Variants in CADPS2 observed in about 807,000 individuals in gnomAD.
CADPS2 encodes calcium dependent secretion activator 2, also known as calcium-dependent secretion activator 2.
Under a neutral mutation model 172.5 loss-of-function variants are expected in CADPS2, and 93 were observed. That is an observed-to-expected ratio of 0.54 (90% CI 0.46 to 0.64). The LOEUF is 0.64. Ranked by LOEUF, CADPS2 falls within the 30% of genes least tolerant of loss-of-function variation. The pLI, the probability that CADPS2 is intolerant of heterozygous loss-of-function variation, is 0.00. For missense variants in CADPS2, 1,420 were observed against 1,565.9 expected, an observed-to-expected ratio of 0.91 and a Z score of 1.57; for synonymous variants, 546 against 555.2, an observed-to-expected ratio of 0.98 and a Z score of 0.23.
intron 1 of CADPS2, among the ~76,000 whole-genome samples, chr7:122,868,638 C>T (rs1040827480): frequency 3.9e-5 from 6 of 152,148 alleles, no homozygotes; most frequent in Non-Finnish European, 8.8e-5. Context: ...GTTCTCTTAT[C>T]TAATGCACAG....
chr7:122,467,009 T>C (rs1331789207), intron 14 of CADPS2, among the ~76,000 whole-genome samples: 1 of 152,196 alleles, frequency 6.6e-6, no homozygotes, highest in Non-Finnish European at 1.5e-5. Context: ...GTATAAATAT[T>C]GCTAGGAAAG....
intron 9 of CADPS2, 124 bp downstream of exon 9, chr7:122,513,121 TTTTA>T (rs2060121097): frequency 3.1e-6 from 2 of 644,224 alleles, no homozygotes; most frequent in Non-Finnish European, 5.4e-6. Flanking sequence ...AATGTACTGC[TTTTA>T]TTTAAAGTGG....
chr7:122,596,971 G>A (rs963740217), intron 6 of CADPS2, among the ~76,000 whole-genome samples: 3 of 152,068 alleles, frequency 2.0e-5, no homozygotes, highest in Non-Finnish European at 4.4e-5. Flanking sequence ...AAGGCAAAGG[G>A]GAGCTGGCAT....
intron 8 of CADPS2, among the ~76,000 whole-genome samples, chr7:122,517,566 C>T (rs2060472483): frequency 6.6e-6 from 1 of 151,938 alleles, no homozygotes; most frequent in Admixed American, 6.6e-5. Context: ...AGAAGGTTAC[C>T]ATTATTAAAT....
chr7:122,829,508 A>G (rs1455306389), intron 1 of CADPS2, among the ~76,000 whole-genome samples: 1 of 152,200 alleles, frequency 6.6e-6, no homozygotes, highest in Admixed American at 6.5e-5. Context: ...CCACACTCAA[A>G]TCAACTTTTA....
intron 1 of CADPS2, among the ~76,000 whole-genome samples, chr7:122,833,112 T>C (rs1047758398): frequency 6.6e-6 from 1 of 152,204 alleles, no homozygotes; most frequent in African/African-American, 2.4e-5. Flanking sequence ...CTTCCAGCCT[T>C]TGTTCTGTCT....
At chr7:122,708,520 GATATATATATATATATATATATAT>G (rs57522086) in intron 2 of CADPS2, among the ~76,000 whole-genome samples, 2,889 of 116,404 alleles carry the variant, frequency 0.025, 124 homozygotes, top group East Asian at 0.088. Context: ...TTGTATTCGA[GATATATATATATATATATATATAT>G]ATATATATAT....
intron 2 of CADPS2, among the ~76,000 whole-genome samples, chr7:122,704,640 T>G (rs571928165): frequency 2.6e-5 from 4 of 152,132 alleles, no homozygotes; most frequent in Non-Finnish European, 5.9e-5. Context: ...TTTGAGGAAC[T>G]TAGCTCATTC....
chr7:122,323,871 TTTTATATATATATATATATA>T (rs1205909525), intron 29 of CADPS2, among the ~76,000 whole-genome samples: 20 of 117,152 alleles, frequency 1.7e-4, no homozygotes, highest in Admixed American at 3.0e-4. Flanking sequence ...CATATGTATA[TTTTATATATATATATATATA>T]TATATATATA....
rs1035959668 is a variant in CADPS2 at position 122,698,677 on chromosome 7, T to C, written c.454-35108A>G. The C allele has an allele frequency of 3.1e-6, 5 of 1,613,828 alleles. No homozygotes were observed. The African/African-American group carries it at 6.7e-5, about 22-fold the overall frequency. On this transcript the variant is annotated intron_variant, in intron 2 of 29. Coordinates refer to ENST00000449022, the MANE Select transcript of CADPS2 (RefSeq NM_017954.11). ...ATTGGGATTACATGCATTTTGGATT[T>C]TTCCCTCTGGTGGCACTATAACTCC... is the stretch of plus-strand genomic sequence containing the variant.
intron 9 of CADPS2, among the ~76,000 whole-genome samples, chr7:122,504,573 C>A (rs759692109): frequency 2.0e-5 from 3 of 151,946 alleles, no homozygotes; most frequent in African/African-American, 7.3e-5. Flanking sequence ...GGGCATGTTT[C>A]TTTTATTTTT....
chr7:122,369,436 CTTTCT>C (rs2041478305), intron 25 of CADPS2, among the ~76,000 whole-genome samples: 1 of 152,124 alleles, frequency 6.6e-6, no homozygotes, highest in Non-Finnish European at 1.5e-5. Flanking sequence ...CAGTCTTCCC[CTTTCT>C]TTTAAGGTTA....
chr7:122,487,011 C>CTTTTT (rs535575706), intron 11 of CADPS2, among the ~76,000 whole-genome samples: 1 of 123,282 alleles, frequency 8.1e-6, no homozygotes, highest in Non-Finnish European at 1.7e-5. Context: ...ATAAACATAA[C>CTTTTT]TTTTTTTTTT....
rs2098115 is a variant in CADPS2, at chr7:122,581,761, T to A, written c.1224-471A>T. The stretch of plus-strand genomic sequence containing the variant: ...TATCTTTTTTTAAAGTAAGCATAAT[T>A]ATCTCAGATCTATTACTTCATATGA... On this transcript the variant is annotated intron_variant, in intron 6 of 29. Transcript: ENST00000449022. Among the ~76,000 whole-genome samples the A allele has an allele frequency of 2.6e-3, 395 of 152,206 alleles. 2 individuals carry two copies. The highest frequency in any genetic ancestry group is 9.1e-3 in the African/African-American group (376 of 41,546).
chr7:122,427,651 G>C lies in CADPS2; in HGVS notation c.2476+10690C>G, dbSNP rs150832146. On this transcript the variant is annotated intron_variant, in intron 17 of 29. Transcript: ENST00000449022. ...GAAGTATGTCAGGCTCTCATTTATA[G>C]ATGGATCTGACCCTATGCTTGTAGT... Among the ~76,000 whole-genome samples the C allele has an allele frequency of 6.3e-4, 96 of 152,294 alleles. 2 individuals carry two copies. The East Asian group carries it at 0.017, about 27-fold the overall frequency.
chr7:122,455,388 T>G lies in CADPS2; in HGVS notation c.2187-3913A>C, dbSNP rs563737516. The stretch of plus-strand genomic sequence containing the variant: ...TTCCCATTCCCATAGACCTTTCTAT[T>G]TTTTAATAATAATATTTATTAAATA... On this transcript the variant is annotated intron_variant, in intron 14 of 29. Transcript: ENST00000449022. Among the ~76,000 whole-genome samples the G allele has an allele frequency of 7.2e-4, 110 of 151,758 alleles. 1 individual carries two copies. The South Asian group carries it at 0.022, about 30-fold the overall frequency.
At chr7:122,586,833 A>G (rs979755807) in intron 6 of CADPS2, among the ~76,000 whole-genome samples, 1 of 151,982 alleles carries the variant, frequency 6.6e-6, no homozygotes, top group African/African-American at 2.4e-5. Context: ...ACTGTTGCAC[A>G]TATGTAAGAA....
chr7:122,552,129 T>C (rs1027560043), intron 8 of CADPS2, among the ~76,000 whole-genome samples: 10 of 152,190 alleles, frequency 6.6e-5, no homozygotes. Flanking sequence ...TATTATAGCA[T>C]TGCTGAAAAT....
chr7:122,484,955 T>C (rs986838813), intron 11 of CADPS2, among the ~76,000 whole-genome samples: 2 of 151,486 alleles, frequency 1.3e-5, no homozygotes, highest in African/African-American at 4.9e-5. Flanking sequence ...TATTTCCAAC[T>C]TTTTCATTAT....
Sources: allele counts gnomAD v4.1 joint callset (sites outside exome capture counted in the v4.1 genomes callset), GRCh38; gene constraint gnomAD v4.1.1; transcripts MANE v1.5; gene names NCBI Gene and HGNC (gene_info 2026-07-23, HGNC 2026-07-21).